Variants in RBBP8NL observed in about 807,000 individuals in gnomAD.
RBBP8NL encodes the protein RBBP8 N-terminal like.
Under a neutral mutation model 62.2 loss-of-function variants are expected in RBBP8NL, and 59 were observed. The observed-to-expected ratio is 0.95, with a 90% confidence interval of 0.77 to 1.18. The LOEUF is 1.18. Among genes scored for constraint, RBBP8NL ranks in the 50% most tolerant of loss-of-function variants. The pLI is 0.00. For synonymous variants in RBBP8NL, 412 were observed against 394.1 expected, an observed-to-expected ratio of 1.05 and a Z score of -0.54; for missense variants, 896 against 899.5, an observed-to-expected ratio of 1.00 and a Z score of 0.05.
chr20:62,416,383 T>C, intron 5 of RBBP8NL, 147 bp from the exon 6 acceptor site: 1 of 717,838 alleles, frequency 1.4e-6, no homozygotes, highest in Non-Finnish European at 2.4e-6. Context: ...CCGTGGATGC[T>C]GGCTGCGTGC....
At chr20:62,427,160 T>C (rs1988829367) in intron 1 of RBBP8NL, among the ~76,000 whole-genome samples, 1 of 152,210 alleles carries the variant, frequency 6.6e-6, no homozygotes, top group Non-Finnish European at 1.5e-5. Flanking sequence ...CTGTCCCTGA[T>C]GCCCCAAGCC....
intron 1 of RBBP8NL, among the ~76,000 whole-genome samples, chr20:62,420,214 A>G (rs967643047): frequency 6.6e-6 from 1 of 152,014 alleles, no homozygotes; most frequent in Non-Finnish European, 1.5e-5. Flanking sequence ...AGACCCTACC[A>G]TGCCACTGTC....
intron 9 of RBBP8NL, among the ~76,000 whole-genome samples, chr20:62,414,847 C>T (rs1420818389): frequency 6.6e-6 from 1 of 152,188 alleles, no homozygotes; most frequent in Non-Finnish European, 1.5e-5. Context: ...GACATCGGCC[C>T]CCTGCTCCTC....
At chr20:62,424,186 G>A (rs1388818544) in intron 1 of RBBP8NL, among the ~76,000 whole-genome samples, 1 of 152,030 alleles carries the variant, frequency 6.6e-6, no homozygotes, top group Non-Finnish European at 1.5e-5. Context: ...TCCCACTCGG[G>A]AGTCCAGGCT....
intron 4 of RBBP8NL, 125 bp downstream of exon 4, chr20:62,417,099 G>C (rs1988585496): frequency 1.3e-6 from 1 of 776,738 alleles, no homozygotes; most frequent in Non-Finnish European, 2.1e-6. Flanking sequence ...CCTGCAGTGG[G>C]GAAACCTTCC....
chr20:62,416,676 C>T, intron 5 of RBBP8NL, 84 bp downstream of exon 5: 1 of 906,614 alleles, frequency 1.1e-6, no homozygotes, highest in Non-Finnish European at 1.7e-6. Flanking sequence ...CCTCCTTTCC[C>T]CATGCCCCTA....
Position 62,414,348 on chromosome 20 carries a change from C to A in RBBP8NL, c.1003G>T (p.Glu335Ter). ...REAEAWEEPT[E>*]LLGLPSALAG... ...AGGGCACTGGGCAGCCCCAGCAGTTCTGTGGGCTCCTCCCAGGCCTCTGCT... is the reference window on the plus strand; with the variant it reads ...AGGGCACTGGGCAGCCCCAGCAGTTATGTGGGCTCCTCCCAGGCCTCTGCT... Residue 335 changes from glutamate to a stop codon, truncating the protein, a stop_gained, in exon 10 of 14, where the codon GAA becomes TAA. Transcript: ENST00000252998. LOFTEE classifies it high-confidence loss of function. 6.4e-7 allele frequency: 1 copy of A among 1,555,186 alleles called. No individual in the cohort carries two copies. Among genetic ancestry groups the A allele is most frequent in the Non-Finnish European group, 8.7e-7 (1 of 1,150,040 alleles).
Position 62,416,231 on chromosome 20 carries a change from C to T in RBBP8NL, c.319G>A (p.Glu107Lys), listed in dbSNP as rs769087860. Residue 107 changes from glutamate to lysine, a missense_variant, in exon 6 of 14, where the codon GAG becomes AAG. Physicochemically the swap from Glu to Lys is moderately conservative, Grantham distance 56. Coordinates refer to ENST00000252998, the MANE Select transcript of RBBP8NL (RefSeq NM_080833.3). The stretch of plus-strand genomic sequence containing the variant: ...TTCTCTTCCTTCAGCCCGTTCATCT[C>T]GTTGGCTGCAAAAGGCACTGATGAG... ...NLQRIFILTN[E>K]MNGLKEENET... is the part of the protein sequence containing the mutation. The T allele has an allele frequency of 6.3e-5, 86 of 1,365,616 alleles. No individual in the cohort carries two copies. The highest frequency in any genetic ancestry group is 7.4e-5 in the Non-Finnish European group (76 of 1,027,368). The allele number at this position is 1,365,616 out of a possible 1,614,324, so 84.6% of individuals were successfully genotyped here.
intron 1 of RBBP8NL, among the ~76,000 whole-genome samples, chr20:62,424,401 G>A (rs1001718259): frequency 1.3e-5 from 2 of 152,188 alleles, no homozygotes; most frequent in Admixed American, 1.3e-4. Context: ...ACGACCCAGA[G>A]GTGGCGTCTT....
chr20:62,415,314 G>GC lies in RBBP8NL; in HGVS notation c.628-28dup, dbSNP rs1988537244. ...TGTGAGGATGGGTGGGTCAGCCTGG[G>GC]CGGGGGCATGCGTGGCCTCTGCTGT... On this transcript the variant is annotated intron_variant, in intron 8 of 13. Coordinates refer to ENST00000252998, the MANE Select transcript of RBBP8NL (RefSeq NM_080833.3). The GC allele has an allele frequency of 2.6e-6, 4 of 1,550,164 alleles. No homozygotes were observed. In the African/African-American group the frequency reaches 4.1e-5, roughly 16 times the overall value.
intron 1 of RBBP8NL, among the ~76,000 whole-genome samples, chr20:62,420,392 A>G (rs1174698990): frequency 6.7e-6 from 1 of 149,338 alleles, no homozygotes; most frequent in African/African-American, 2.5e-5. Flanking sequence ...ACACACACAC[A>G]CAGATAGCAT....
chr20:62,416,291 G>T, intron 5 of RBBP8NL, 55 bp from the exon 6 acceptor site: 1 of 1,038,634 alleles, frequency 9.6e-7, no homozygotes, highest in East Asian at 2.6e-5. Flanking sequence ...ACAGGGGCAG[G>T]GGTGGGGTCG....
chr20:62,416,089 G>A (rs1472719152), intron 6 of RBBP8NL, 75 bp downstream of exon 6: 4 of 1,505,718 alleles, frequency 2.7e-6, no homozygotes, highest in Admixed American at 1.9e-5. Context: ...GGTTCCCCCA[G>A]GGACGTGTGC....
chr20:62,414,403 G>T lies in RBBP8NL; in HGVS notation c.948C>A (p.Asp316Glu). The T allele has an allele frequency of 3.9e-6, 6 of 1,535,652 alleles. No homozygotes were observed. The highest frequency in any genetic ancestry group is 4.4e-6 in the Non-Finnish European group (5 of 1,134,548). ...SPLAPAAAPS[D>E]PRLQDLKARE... ...TGGCCTTCAGGTCCTGGAGCCGGGGGTCGCTGGGGGCTGCAGCAGGGGCCA... is the reference window on the plus strand; with the variant it reads ...TGGCCTTCAGGTCCTGGAGCCGGGGTTCGCTGGGGGCTGCAGCAGGGGCCA... Residue 316 changes from aspartate to glutamate, a missense_variant, in exon 10 of 14, where the codon GAC becomes GAA. Asp to Glu is a conservative substitution (Grantham distance 45, BLOSUM62 2). Transcript: ENST00000252998.
intron 1 of RBBP8NL, among the ~76,000 whole-genome samples, chr20:62,422,485 C>T (rs1029030497): frequency 1.5e-5 from 2 of 133,346 alleles, no homozygotes; most frequent in East Asian, 4.5e-4. Context: ...GTGCCTCTAA[C>T]TGAGGGTGGC....
chr20:62,424,069 C>T (rs1437773141), intron 1 of RBBP8NL, among the ~76,000 whole-genome samples: 10 of 33,836 alleles, frequency 3.0e-4, no homozygotes, highest in East Asian at 5.5e-4. Flanking sequence ...CCTACCGGGG[C>T]GGGGAGGGGC....
chr20:62,425,883 G>GGCAGTGGCAGTGGCATA (rs1203459252), intron 1 of RBBP8NL, among the ~76,000 whole-genome samples: 2 of 150,594 alleles, frequency 1.3e-5, no homozygotes, highest in Non-Finnish European at 2.9e-5. Context: ...CAGTAGCAGT[G>GGCAGTGGCAGTGGCATA]GCAGTGGCAG....
At chr20:62,411,778 C>T (rs1425921204) in intron 13 of RBBP8NL, among the ~76,000 whole-genome samples, 1 of 152,242 alleles carries the variant, frequency 6.6e-6, no homozygotes, top group Admixed American at 6.5e-5. Flanking sequence ...CAGACTGCAC[C>T]CCCCGGGGCC....
chr20:62,412,521 C>T (rs1208195243), intron 13 of RBBP8NL, 103 bp downstream of exon 13: 13 of 1,444,904 alleles, frequency 9.0e-6, no homozygotes, highest in Middle Eastern at 2.5e-4. Context: ...CATTCTGAGG[C>T]TGCCATTCTC....
Sources: allele counts gnomAD v4.1 joint callset (sites outside exome capture counted in the v4.1 genomes callset), GRCh38; gene constraint gnomAD v4.1.1; transcripts MANE v1.5; gene names NCBI Gene and HGNC (gene_info 2026-07-23, HGNC 2026-07-21).